The following PPM1L variants were observed in gnomAD, a reference collection of about 807,000 sequenced individuals.
The protein encoded by PPM1L is protein phosphatase 1L.
In PPM1L, 13 loss-of-function variants were observed where a neutral mutation model predicts 31.4. That is an observed-to-expected ratio of 0.41 (90% CI 0.27 to 0.66). The LOEUF (loss-of-function observed/expected upper bound fraction) is 0.66, where lower values mean the gene tolerates loss of function less well. Among genes scored for constraint, PPM1L ranks in the 30% least tolerant of loss-of-function variants. The pLI is 0.29. For missense variants in PPM1L, 326 were observed against 453.7 expected (o/e 0.72, Z 2.56); for synonymous variants, 184 against 175.4 (o/e 1.05, Z -0.39).
chr3:161,021,093 G>T (rs1261510923), intron 2 of PPM1L, among the ~76,000 whole-genome samples: 1 of 151,280 alleles, frequency 6.6e-6, no homozygotes, highest in Non-Finnish European at 1.5e-5. Flanking sequence ...TCTTCTTTGG[G>T]GTTTAGTTTG....
chr3:160,958,391 C>T (rs975958853), intron 1 of PPM1L, among the ~76,000 whole-genome samples: 1 of 152,036 alleles, frequency 6.6e-6, no homozygotes, highest in Non-Finnish European at 1.5e-5. Context: ...GCCAGGAATC[C>T]CATGGTGTGC....
At chr3:160,876,092 C>A (rs192193621) in intron 1 of PPM1L, among the ~76,000 whole-genome samples, 1 of 152,282 alleles carries the variant, frequency 6.6e-6, no homozygotes, top group African/African-American at 2.4e-5. Flanking sequence ...TTGGTGGAAC[C>A]TTCTTTCATC....
chr3:160,763,808 AACTC>A (rs1715033190), intron 1 of PPM1L, among the ~76,000 whole-genome samples: 1 of 152,140 alleles, frequency 6.6e-6, no homozygotes, highest in Non-Finnish European at 1.5e-5. Context: ...GTGAAGATGA[AACTC>A]AGGAGCGTGG....
chr3:161,051,117 C>G (rs1289966198), intron 2 of PPM1L, among the ~76,000 whole-genome samples: 1 of 152,150 alleles, frequency 6.6e-6, no homozygotes, highest in Non-Finnish European at 1.5e-5. Flanking sequence ...CCACCACCCG[C>G]CATCTCCTCA....
At chr3:160,950,897 C>G (rs1486472251) in intron 1 of PPM1L, among the ~76,000 whole-genome samples, 1 of 152,150 alleles carries the variant, frequency 6.6e-6, no homozygotes, top group East Asian at 1.9e-4. Flanking sequence ...ATTTGGATAG[C>G]ACTAATGGAA....
At chr3:160,817,484 C>T (rs1713032479) in intron 1 of PPM1L, among the ~76,000 whole-genome samples, 1 of 152,070 alleles carries the variant, frequency 6.6e-6, no homozygotes, top group Admixed American at 6.6e-5. Flanking sequence ...TGATTACCAA[C>T]ATCTGAATTT....
intron 1 of PPM1L, among the ~76,000 whole-genome samples, chr3:160,915,524 G>A (rs946689643): frequency 5.9e-5 from 9 of 152,076 alleles, no homozygotes; most frequent in Non-Finnish European, 8.8e-5. Context: ...CCATCAAGCT[G>A]CCAATGACTT....
intron 2 of PPM1L, among the ~76,000 whole-genome samples, chr3:161,015,398 TA>T (rs1214099053): frequency 6.6e-6 from 1 of 152,192 alleles, no homozygotes; most frequent in Non-Finnish European, 1.5e-5. Context: ...TCTGAAATCC[TA>T]AAGGGGATTT....
intron 2 of PPM1L, among the ~76,000 whole-genome samples, chr3:161,060,792 C>CA (rs1386722920): frequency 2.7e-5 from 4 of 149,426 alleles, no homozygotes; most frequent in African/African-American, 9.9e-5. Context: ...GTTAAATTTC[C>CA]AAGATCTCTT....
rs114041528 is a variant in PPM1L at position 161,036,160 on chromosome 3, C to T, written c.575-29243C>T. ...ATAGCAGTTCCTCCTTGATCATCCTCTTCATATGGTATAATCACTAACTTC... is the reference window on the plus strand; with the variant it reads ...ATAGCAGTTCCTCCTTGATCATCCTTTTCATATGGTATAATCACTAACTTC... On this transcript the variant is annotated intron_variant, in intron 2 of 3. Transcript: ENST00000498165. The T allele has an allele frequency of 1.6e-3, 240 of 152,270 alleles. 1 individual carries two copies. The highest frequency in any genetic ancestry group is 5.6e-3 in the African/African-American group (233 of 41,550). 9.4% of individuals were successfully genotyped at this position (152,270 alleles called of 1,614,324 possible). A position where few individuals can be genotyped will look rare whatever the true frequency, so the allele number is the denominator to read the frequency against.
chr3:160,850,767 T>C (rs1048294885), intron 1 of PPM1L, among the ~76,000 whole-genome samples: 9 of 152,148 alleles, frequency 5.9e-5, no homozygotes, highest in Non-Finnish European at 8.8e-5. Flanking sequence ...TGGCAGGGAA[T>C]AGGTCTGCTT....
chr3:160,951,508 T>C (rs1715575930), intron 1 of PPM1L, among the ~76,000 whole-genome samples: 1 of 152,226 alleles, frequency 6.6e-6, no homozygotes, highest in African/African-American at 2.4e-5. Context: ...TATATTTTAT[T>C]GCAATTACAG....
At chr3:160,903,482 T>C (rs1713633646) in intron 1 of PPM1L, among the ~76,000 whole-genome samples, 1 of 152,158 alleles carries the variant, frequency 6.6e-6, no homozygotes, top group Non-Finnish European at 1.5e-5. Flanking sequence ...GATTGTGATA[T>C]TGATCACATT....
intron 1 of PPM1L, among the ~76,000 whole-genome samples, chr3:160,902,904 G>C (rs1421125530): frequency 6.6e-6 from 1 of 152,120 alleles, no homozygotes; most frequent in Non-Finnish European, 1.5e-5. Context: ...TTACAGAATT[G>C]AGAGGATTTA....
rs183076246 is a variant in PPM1L at position 160,793,673 on chromosome 3, C to G, written c.399+36966C>G. Among the ~76,000 whole-genome samples, 14 of 152,198 alleles carry G rather than the reference C, an allele frequency of 9.2e-5. 1 individual carries two copies. The highest frequency in any genetic ancestry group is 3.1e-4 in the African/African-American group (13 of 41,526). On this transcript the variant is annotated intron_variant, in intron 1 of 3. Transcript: ENST00000498165. ...AGAAGGTGAACTTTGGGGATATGAA[C>G]AAAAGTTCTCTGAAAAGGAATTTGA... is the stretch of plus-strand genomic sequence containing the variant.
At chr3:160,824,491 T>C (rs541996293) in intron 1 of PPM1L, among the ~76,000 whole-genome samples, 1 of 152,150 alleles carries the variant, frequency 6.6e-6, no homozygotes, top group Non-Finnish European at 1.5e-5. Flanking sequence ...AATTCCCTAA[T>C]GAGGGAAAGG....
chr3:160,890,303 C>T (rs1713091302), intron 1 of PPM1L, among the ~76,000 whole-genome samples: 1 of 152,158 alleles, frequency 6.6e-6, no homozygotes, highest in African/African-American at 2.4e-5. Context: ...TCTCAGGATA[C>T]AAAATCAATG....
Position 160,756,866 on chromosome 3 carries a change from T to C in PPM1L, c.399+159T>C, listed in dbSNP as rs1714823750. On this transcript the variant is annotated intron_variant, in intron 1 of 3. Transcript: ENST00000498165. This position sits in a 1 kb window ranked among gnomAD's most constrained non-coding sequence, Gnocchi z 6.2. ...GGCGTGGTGATGACACCACGGTGCC[T>C]GGCTGGACAAATGCGGCTCAAGTTG... Among the ~76,000 whole-genome samples, 1 of 151,742 alleles carries C rather than the reference T, an allele frequency of 6.6e-6. No homozygotes were observed. Among genetic ancestry groups the C allele is most frequent in the African/African-American group, 2.4e-5 (1 of 41,292 alleles).
At chr3:160,986,011 G>A (rs1033389126) in intron 2 of PPM1L, among the ~76,000 whole-genome samples, 22 of 150,802 alleles carry the variant, frequency 1.5e-4, no homozygotes, top group African/African-American at 5.4e-4. Context: ...CAAAGCTTTT[G>A]AGAGTCAGGG....
Sources: gnomAD v4.1 joint callset for allele counts (sites outside exome capture counted in the v4.1 genomes callset) on GRCh38, gnomAD v4.1.1 for gene constraint, Gnocchi (gnomAD v3.1) non-coding constraint, MANE v1.5 for transcripts, NCBI Gene and HGNC (gene_info 2026-07-23, HGNC 2026-07-21) for gene names.